The following LEPR variants were observed in gnomAD, a reference collection of about 807,000 sequenced individuals.
LEPR encodes the protein OB receptor.
Under a neutral mutation model 114.7 loss-of-function variants are expected in LEPR, and 56 were observed. The ratio of observed to expected loss-of-function variants is 0.49; its 90% CI spans 0.39 to 0.61. The LOEUF is 0.61. Among genes scored for constraint, LEPR ranks in the 20% least tolerant of loss-of-function variants. The probability of loss-of-function intolerance (pLI) is 0.00; values close to 1 mark genes in which losing one functional copy is unlikely to be tolerated. For missense variants in LEPR, 1,202 were observed against 1,352.9 expected, an observed-to-expected ratio of 0.89 and a Z score of 1.75; for synonymous variants, 443 against 461.4, an observed-to-expected ratio of 0.96 and a Z score of 0.51.
At chr1:65,615,061 T>A (rs1388701367) in intron 14 of LEPR, among the ~76,000 whole-genome samples, 1 of 152,198 alleles carries the variant, frequency 6.6e-6, no homozygotes, top group African/African-American at 2.4e-5. Flanking sequence ...TTTGCATGAC[T>A]TTGAAACATT....
At chr1:65,539,452 T>A (rs1173622213) in intron 2 of LEPR, among the ~76,000 whole-genome samples, 1 of 152,170 alleles carries the variant, frequency 6.6e-6, no homozygotes. Context: ...ACTGATAGGC[T>A]TCATGTTAGG....
At chr1:65,449,141 G>C (rs566121536) in intron 2 of LEPR, among the ~76,000 whole-genome samples, 13 of 152,234 alleles carry the variant, frequency 8.5e-5, no homozygotes, top group South Asian at 2.1e-4. Context: ...CGATCCACCT[G>C]CCTTGGCCTC....
At chr1:65,605,705 G>A (rs984393818) in intron 11 of LEPR, among the ~76,000 whole-genome samples, 18 of 151,948 alleles carry the variant, frequency 1.2e-4, no homozygotes, top group African/African-American at 3.9e-4. Flanking sequence ...TGAAGTGGAG[G>A]AAATAGACAA....
intron 2 of LEPR, among the ~76,000 whole-genome samples, chr1:65,442,888 C>T (rs1646667447): frequency 2.0e-5 from 3 of 152,230 alleles, no homozygotes; most frequent in South Asian, 2.1e-4. Context: ...AGGGAGACTG[C>T]ACACAGAGAC....
chr1:65,456,934 C>G (rs1371168581), intron 2 of LEPR, among the ~76,000 whole-genome samples: 1 of 152,156 alleles, frequency 6.6e-6, no homozygotes, highest in Non-Finnish European at 1.5e-5. Flanking sequence ...AAATACTTTA[C>G]ATGGTTCCAT....
At chr1:65,451,219 T>G (rs1646780636) in intron 2 of LEPR, among the ~76,000 whole-genome samples, 1 of 151,838 alleles carries the variant, frequency 6.6e-6, no homozygotes, top group Non-Finnish European at 1.5e-5. Context: ...TTCTCTCATT[T>G]TGTAGGTTGC....
At chr1:65,452,679 G>A (rs1374667571) in intron 2 of LEPR, among the ~76,000 whole-genome samples, 1 of 151,198 alleles carries the variant, frequency 6.6e-6, no homozygotes, top group African/African-American at 2.4e-5. Context: ...GATTCGGTTT[G>A]CCAGTATTTT....
intron 19 of LEPR, among the ~76,000 whole-genome samples, chr1:65,624,616 A>G (rs1658089032): frequency 6.6e-6 from 1 of 152,220 alleles, no homozygotes; most frequent in Non-Finnish European, 1.5e-5. Context: ...ACAGATATGC[A>G]AGACCGAAAT....
intron 8 of LEPR, 31 bp downstream of exon 8, chr1:65,598,835 A>G (rs776071941): frequency 5.5e-5 from 89 of 1,612,528 alleles, no homozygotes; most frequent in Non-Finnish European, 7.4e-5. Context: ...TTCTACTGGG[A>G]GGGAAATATA....
At chr1:65,541,664 T>C (rs1249588450) in intron 2 of LEPR, among the ~76,000 whole-genome samples, 1 of 152,192 alleles carries the variant, frequency 6.6e-6, no homozygotes, top group Non-Finnish European at 1.5e-5. Flanking sequence ...TTTATTTTGT[T>C]AAATTTTTGA....
chr1:65,529,945 T>A (rs1230668463), intron 2 of LEPR, among the ~76,000 whole-genome samples: 1 of 152,230 alleles, frequency 6.6e-6, no homozygotes, highest in African/African-American at 2.4e-5. Context: ...TTTTTCTCCA[T>A]GCTTTTTGAT....
chr1:65,594,342 A>G (rs1655905509), intron 6 of LEPR, among the ~76,000 whole-genome samples: 1 of 152,048 alleles, frequency 6.6e-6, no homozygotes, highest in African/African-American at 2.4e-5. Flanking sequence ...TGAGAGTATT[A>G]AGGGATGAGG....
chr1:65,511,341 C>G (rs1649023047), intron 2 of LEPR, among the ~76,000 whole-genome samples: 1 of 151,998 alleles, frequency 6.6e-6, no homozygotes, highest in African/African-American at 2.4e-5. Flanking sequence ...AGACCTGAAT[C>G]AGAATCTACA....
chr1:65,450,784 A>G (rs1261386258), intron 2 of LEPR, among the ~76,000 whole-genome samples: 3 of 151,812 alleles, frequency 2.0e-5, no homozygotes, highest in South Asian at 2.1e-4. Flanking sequence ...TCCTTTGGGT[A>G]TACACCCAGT....
At chr1:65,634,560 T>A (rs1386836966) in intron 19 of LEPR, 2 of 947,246 alleles carry the variant, frequency 2.1e-6, no homozygotes, top group African/African-American at 3.5e-5. Context: ...TTATCAATTA[T>A]GAGTGAAATA....
intron 2 of LEPR, chr1:65,431,860 A>G (rs1278221257): frequency 3.7e-6 from 6 of 1,613,982 alleles, no homozygotes; most frequent in African/African-American, 1.3e-5. Context: ...TTTCCTTACA[A>G]TTCAAGGGTT....
At chr1:65,476,797 G>A (rs779593371) in intron 2 of LEPR, among the ~76,000 whole-genome samples, 32 of 152,142 alleles carry the variant, frequency 2.1e-4, no homozygotes, top group Non-Finnish European at 3.5e-4. Context: ...TAAAAAATAC[G>A]TATAACTTAA....
At chr1:65,459,123 A>AT (rs1024956918) in intron 2 of LEPR, among the ~76,000 whole-genome samples, 22 of 152,016 alleles carry the variant, frequency 1.4e-4, no homozygotes, top group Admixed American at 8.5e-4. Flanking sequence ...GTGTAGAAAG[A>AT]TTTTTTTTGT....
chr1:65,630,824 T>C (rs537412228), intron 19 of LEPR, among the ~76,000 whole-genome samples: 15 of 152,264 alleles, frequency 9.9e-5, no homozygotes, highest in African/African-American at 3.6e-4. Context: ...AGTATTCTGT[T>C]CTGGTTTTAT....
Sources: allele counts gnomAD v4.1 joint callset (sites outside exome capture counted in the v4.1 genomes callset), GRCh38; gene constraint gnomAD v4.1.1; transcripts MANE v1.5; gene names NCBI Gene and HGNC (gene_info 2026-07-23, HGNC 2026-07-21).